TYW3: variants seen among roughly 807,000 people sequenced by gnomAD.
TYW3 encodes the protein tRNA-yW synthesizing protein 3 homolog.
In TYW3, 26 loss-of-function variants were observed where a neutral mutation model predicts 23.1. The ratio of observed to expected loss-of-function variants is 1.13; its 90% CI spans 0.83 to 1.56. The LOEUF (loss-of-function observed/expected upper bound fraction) is 1.56, where lower values mean the gene tolerates loss of function less well. TYW3 is among the 40% of genes most tolerant of loss of function. TYW3 has a pLI of 0.00. For missense variants in TYW3, 316 were observed against 311.9 expected (o/e 1.01, Z -0.10); for synonymous variants, 102 against 105.7 (o/e 0.97, Z 0.21).
intron 5 of TYW3, among the ~76,000 whole-genome samples, chr1:74,759,818 A>AT (rs1282308777): frequency 1.3e-5 from 2 of 151,734 alleles, no homozygotes; most frequent in Non-Finnish European, 2.9e-5. Context: ...AATTTTTTGT[A>AT]TTTTTTTGTA....
chr1:74,744,662 T>C (rs1236527061), intron 3 of TYW3, among the ~76,000 whole-genome samples: 1 of 152,206 alleles, frequency 6.6e-6, no homozygotes, highest in Non-Finnish European at 1.5e-5. Context: ...GTTGCCAAAA[T>C]GTGTCTAGAA....
intron 5 of TYW3, among the ~76,000 whole-genome samples, chr1:74,756,050 A>G (rs1176119530): frequency 6.6e-6 from 1 of 152,182 alleles, no homozygotes; most frequent in Non-Finnish European, 1.5e-5. Context: ...CATGTGAGAC[A>G]TGCCTTTCAC....
At chr1:74,736,515 CTTAAA>C (rs776597150) in intron 1 of TYW3, 22 bp from the exon 2 acceptor site, 50 of 1,524,892 alleles carry the variant, frequency 3.3e-5, no homozygotes, top group Admixed American at 1.3e-4. Flanking sequence ...TTATATGAAA[CTTAAA>C]TTATGTTATT....
intron 4 of TYW3, among the ~76,000 whole-genome samples, chr1:74,750,878 G>T (rs1177579616): frequency 7.4e-6 from 1 of 134,922 alleles, no homozygotes; most frequent in East Asian, 2.4e-4. Flanking sequence ...CTCAGTCTCA[G>T]CTCACTGCAA....
At chr1:74,754,308 A>G (rs1340105218) in intron 5 of TYW3, among the ~76,000 whole-genome samples, 1 of 152,204 alleles carries the variant, frequency 6.6e-6, no homozygotes, top group Non-Finnish European at 1.5e-5. Context: ...CATTGACTCA[A>G]AAATATGTTT....
At chr1:74,747,630 C>G (rs1648611156) in intron 3 of TYW3, among the ~76,000 whole-genome samples, 1 of 144,644 alleles carries the variant, frequency 6.9e-6, no homozygotes, top group Non-Finnish European at 1.5e-5. Context: ...GAGCGAGACT[C>G]CGTCTCAAAA....
rs1386392144 is a variant in TYW3, at chr1:74,751,869, T to TA, written c.427-423_427-422insA. ...CCTGTGTATGATAGAGGAGGCATAGTTTACTCTTGTAACTGTGCTCTGCTC... is the reference window on the plus strand; with the variant it reads ...CCTGTGTATGATAGAGGAGGCATAGTATTACTCTTGTAACTGTGCTCTGCTC... On this transcript the variant is annotated intron_variant, in intron 4 of 5. Transcript: ENST00000370867. Among the ~76,000 whole-genome samples the TA allele has an allele frequency of 3.3e-5, 5 of 152,290 alleles. No individual in the cohort carries two copies. In the East Asian group the frequency reaches 7.7e-4, roughly 24 times the overall value.
At chr1:74,762,792 A>G (rs1368383610) in intron 5 of TYW3, among the ~76,000 whole-genome samples, 1 of 152,146 alleles carries the variant, frequency 6.6e-6, no homozygotes. Flanking sequence ...GTTGGTGTCA[A>G]ATGCATGCAA....
intron 2 of TYW3, 134 bp from the exon 3 acceptor site, chr1:74,738,556 G>A (rs1262313510): frequency 4.0e-6 from 2 of 505,426 alleles, no homozygotes; most frequent in Non-Finnish European, 6.7e-6. Flanking sequence ...AAAGCAGAGG[G>A]AAAAGTTACT....
intron 3 of TYW3, among the ~76,000 whole-genome samples, chr1:74,747,661 A>G (rs994867835): frequency 2.7e-5 from 4 of 150,788 alleles, no homozygotes; most frequent in Admixed American, 2.0e-4. Context: ...GAAAAAGAAA[A>G]AAAGAAAAGA....
intron 1 of TYW3, among the ~76,000 whole-genome samples, chr1:74,735,721 G>A (rs1024429841): frequency 2.0e-5 from 3 of 152,162 alleles, no homozygotes; most frequent in Admixed American, 2.0e-4. Flanking sequence ...TGTCAGATAC[G>A]TAAGTCACCA....
At chr1:74,756,747 C>G (rs1382797818) in intron 5 of TYW3, among the ~76,000 whole-genome samples, 1 of 152,174 alleles carries the variant, frequency 6.6e-6, no homozygotes, top group South Asian at 2.1e-4. Context: ...ATGTTAATCC[C>G]CAAGGCAATG....
chr1:74,739,185 T>C (rs1341235317), intron 3 of TYW3, among the ~76,000 whole-genome samples: 1 of 152,152 alleles, frequency 6.6e-6, no homozygotes, highest in Non-Finnish European at 1.5e-5. Flanking sequence ...TTAGTCTTGA[T>C]TCTCCTTTTT....
At chr1:74,741,920 A>G (rs1351962989) in intron 3 of TYW3, among the ~76,000 whole-genome samples, 1 of 152,160 alleles carries the variant, frequency 6.6e-6, no homozygotes, top group Non-Finnish European at 1.5e-5. Context: ...GTGATATTGT[A>G]TCCCTAGCTC....
At chr1:74,759,247 T>C (rs1649055226) in intron 5 of TYW3, among the ~76,000 whole-genome samples, 1 of 152,124 alleles carries the variant, frequency 6.6e-6, no homozygotes, top group African/African-American at 2.4e-5. Context: ...GACTGCAGAA[T>C]ATCCATCAGA....
At chr1:74,742,680 G>T (rs940232432) in intron 3 of TYW3, among the ~76,000 whole-genome samples, 1 of 152,210 alleles carries the variant, frequency 6.6e-6, no homozygotes, top group Non-Finnish European at 1.5e-5. Flanking sequence ...ACTGTGTGTA[G>T]TAACTCCATA....
chr1:74,753,536 G>A (rs373554354), intron 5 of TYW3, among the ~76,000 whole-genome samples: 3 of 152,210 alleles, frequency 2.0e-5, no homozygotes, highest in Non-Finnish European at 4.4e-5. Context: ...GGTTCAAATC[G>A]TGGTTCTGAG....
Position 74,765,793 on chromosome 1 carries a change from A to G in TYW3, c.*1680A>G, listed in dbSNP as rs1649286660. ...AAATTGATCTCCAAGAAAACTATGT[A>G]TTTTAAAGATTCCATAAACTGAATA... On this transcript the variant is annotated 3_prime_UTR_variant, in exon 6 of 6. Coordinates refer to ENST00000370867, the MANE Select transcript of TYW3 (RefSeq NM_138467.3). 1 of 152,154 alleles carries G rather than the reference A, an allele frequency of 6.6e-6. No individual in the cohort carries two copies. Among genetic ancestry groups the G allele is most frequent in the African/African-American group, 2.4e-5 (1 of 41,444 alleles). 9.4% of individuals were successfully genotyped at this position (152,154 alleles called of 1,614,324 possible). A position where few individuals can be genotyped will look rare whatever the true frequency, so the allele number is the denominator to read the frequency against.
chr1:74,741,046 T>G (rs574054249), intron 3 of TYW3, among the ~76,000 whole-genome samples: 2 of 152,290 alleles, frequency 1.3e-5, no homozygotes, highest in South Asian at 4.1e-4. Context: ...GGGAACTCTT[T>G]AGACCAGTGA....
Sources: gnomAD v4.1 joint callset for allele counts (sites outside exome capture counted in the v4.1 genomes callset) on GRCh38, gnomAD v4.1.1 for gene constraint, MANE v1.5 for transcripts, NCBI Gene and HGNC (gene_info 2026-07-23, HGNC 2026-07-21) for gene names.